The following NHSL3 variants were observed in gnomAD, a reference collection of about 807,000 sequenced individuals.
NHSL3 encodes the protein NHS-like protein 3.
chr1:32,744,667 C>T, the NHSL3 span, among the ~76,000 whole-genome samples: 3 of 152,076 alleles, frequency 2.0e-5, no homozygotes, highest in African/African-American at 7.2e-5. Context: ...AATCCTGGCC[C>T]AGCTACTAGC....
At chr1:32,772,290 C>CCCCCCCCCG in the NHSL3 span, 5 of 1,593,354 alleles carry the variant, frequency 3.1e-6, no homozygotes, top group Non-Finnish European at 4.3e-6. Flanking sequence ...CCCCACCCGC[C>CCCCCCCCCG]TCCCCCAGTT....
the NHSL3 span, chr1:32,771,440 C>T: frequency 5.0e-6 from 8 of 1,590,936 alleles, no homozygotes; most frequent in African/African-American, 8.1e-5. Flanking sequence ...GTGGAGGCAC[C>T]ATCTGCCTCA....
the NHSL3 span, among the ~76,000 whole-genome samples, chr1:32,757,903 G>A: frequency 3.9e-4 from 60 of 152,290 alleles, no homozygotes; most frequent in African/African-American, 1.1e-3. Flanking sequence ...CCCCGGCCCC[G>A]GGGGATTTGG....
At chr1:32,771,291 T>G in the NHSL3 span, 2 of 1,606,652 alleles carry the variant, frequency 1.2e-6, no homozygotes, top group Non-Finnish European at 1.7e-6. Flanking sequence ...ACGCCAGTCC[T>G]CAGTCCCCTC....
At chr1:32,753,443 CCCCTGCCCT>C in the NHSL3 span, among the ~76,000 whole-genome samples, 1 of 151,852 alleles carries the variant, frequency 6.6e-6, no homozygotes, top group African/African-American at 2.4e-5. Flanking sequence ...CGAGAGCGTG[CCCCTGCCCT>C]CCAGCCTGGG....
the NHSL3 span, chr1:32,765,542 T>C: frequency 1.6e-6 from 2 of 1,276,668 alleles, no homozygotes; most frequent in Non-Finnish European, 2.1e-6. Context: ...TCTGTGCCCC[T>C]GCACCCCATT....
At chr1:32,756,857 T>C in the NHSL3 span, among the ~76,000 whole-genome samples, 1 of 151,672 alleles carries the variant, frequency 6.6e-6, no homozygotes, top group South Asian at 2.1e-4. Flanking sequence ...TAATCCCAGC[T>C]ACTTTTGAGG....
chr1:32,742,058 G>A, the NHSL3 span: 1 of 1,262,152 alleles, frequency 7.9e-7, no homozygotes, highest in Non-Finnish European at 1.0e-6. Flanking sequence ...TCCGGCCTCC[G>A]CCGCGCCTTC....
the NHSL3 span, among the ~76,000 whole-genome samples, chr1:32,754,481 G>A: frequency 6.6e-6 from 1 of 152,194 alleles, no homozygotes; most frequent in South Asian, 2.1e-4. Context: ...CATCGCAGTA[G>A]GACGCACACA....
the NHSL3 span, among the ~76,000 whole-genome samples, chr1:32,761,012 G>A: frequency 6.6e-6 from 1 of 152,166 alleles, no homozygotes; most frequent in African/African-American, 2.4e-5. Context: ...GTGCTTCCCG[G>A]TGTGCCCTCC....
the NHSL3 span, chr1:32,771,898 G>GC: frequency 3.1e-6 from 5 of 1,588,830 alleles, no homozygotes; most frequent in Non-Finnish European, 4.3e-6. Flanking sequence ...GGGGCCATCG[G>GC]CCCCCCAGAA....
the NHSL3 span, among the ~76,000 whole-genome samples, chr1:32,744,890 C>A: frequency 6.6e-6 from 1 of 150,988 alleles, no homozygotes; most frequent in Non-Finnish European, 1.5e-5. Flanking sequence ...TTTTGGGAGA[C>A]CGAGGCGGGC....
At chr1:32,756,825 C>A in the NHSL3 span, among the ~76,000 whole-genome samples, 15 of 151,878 alleles carry the variant, frequency 9.9e-5, no homozygotes, top group South Asian at 3.1e-3. Context: ...AAAAACTAGC[C>A]AGGCGTGGTG....
At chr1:32,770,519 C>A in the NHSL3 span, 1 of 1,552,350 alleles carries the variant, frequency 6.4e-7, no homozygotes, top group Non-Finnish European at 8.7e-7. The surrounding 1 kb of genome is among the most constrained non-coding windows in gnomAD (Gnocchi z 8.3). Context: ...AGCTCTACGG[C>A]TAGCAATAGC....
At chr1:32,771,904 C>T in the NHSL3 span, 2 of 1,591,402 alleles carry the variant, frequency 1.3e-6, no homozygotes, top group Admixed American at 1.7e-5. Context: ...ATCGGCCCCC[C>T]AGAAACCACT....
At chr1:32,744,952 C>T in the NHSL3 span, among the ~76,000 whole-genome samples, 16 of 151,526 alleles carry the variant, frequency 1.1e-4, no homozygotes, top group African/African-American at 3.6e-4. Flanking sequence ...ACGGTGAAAC[C>T]CCGTCTCTAC....
chr1:32,768,603 G>A, the NHSL3 span: 1 of 1,598,702 alleles, frequency 6.3e-7, no homozygotes, highest in Non-Finnish European at 8.6e-7. Flanking sequence ...AGTTCCAATG[G>A]GGAGCCTTGA....
At chr1:32,772,592 AGAG>A in the NHSL3 span, 5 of 1,341,742 alleles carry the variant, frequency 3.7e-6, no homozygotes, top group Non-Finnish European at 4.9e-6. Flanking sequence ...GCTGGGGCCC[AGAG>A]GAGAATGGTG....
At chr1:32,754,318 C>T in the NHSL3 span, 2 of 572,682 alleles carry the variant, frequency 3.5e-6, no homozygotes, top group Non-Finnish European at 6.4e-6. Flanking sequence ...CCCCACCCCT[C>T]ACAGGCACAC....
Sources: gnomAD v4.1 joint callset for allele counts (sites outside exome capture counted in the v4.1 genomes callset) on GRCh38, gnomAD v4.1.1 for gene constraint, Gnocchi (gnomAD v3.1) non-coding constraint, MANE v1.5 for transcripts, NCBI Gene and HGNC (gene_info 2026-07-23, HGNC 2026-07-21) for gene names.